Variants in SPATA16 observed in about 807,000 individuals in gnomAD.
SPATA16 encodes the protein spermatogenesis-associated protein 16.
A neutral mutation model predicts 63.3 loss-of-function variants in SPATA16; 36 were observed. The observed-to-expected ratio is 0.57, with a 90% confidence interval of 0.44 to 0.75. The LOEUF is 0.75. Ranked by LOEUF, SPATA16 falls within the 30% of genes least tolerant of loss-of-function variation. The pLI is 0.00. For synonymous variants in SPATA16, 203 were observed against 216.7 expected (o/e 0.94, Z 0.56); for missense variants, 646 against 679.3 (o/e 0.95, Z 0.54).
At chr3:172,980,440 A>G (rs1205004526) in intron 4 of SPATA16, among the ~76,000 whole-genome samples, 1 of 152,208 alleles carries the variant, frequency 6.6e-6, no homozygotes, top group East Asian at 1.9e-4. Context: ...GATTCTGTTC[A>G]TCTTATTTTC....
intron 2 of SPATA16, among the ~76,000 whole-genome samples, chr3:173,053,170 A>G (rs1239841436): frequency 6.6e-6 from 1 of 152,196 alleles, no homozygotes; most frequent in Admixed American, 6.5e-5. Flanking sequence ...AGCCTGGCCA[A>G]CATGGCGAAA....
At chr3:172,900,733 C>T (rs544139972) in intron 10 of SPATA16, among the ~76,000 whole-genome samples, 115 of 152,102 alleles carry the variant, frequency 7.6e-4, no homozygotes, top group Non-Finnish European at 1.4e-3. Flanking sequence ...ATCCGCCTCC[C>T]GGATTCAAGT....
At chr3:173,084,373 T>C (rs1398503818) in intron 2 of SPATA16, among the ~76,000 whole-genome samples, 1 of 152,204 alleles carries the variant, frequency 6.6e-6, no homozygotes, top group East Asian at 1.9e-4. Context: ...TTGTTTGTTT[T>C]TTTCTTGTAA....
intron 1 of SPATA16, among the ~76,000 whole-genome samples, chr3:173,118,285 T>A (rs1737960873): frequency 6.6e-6 from 1 of 152,154 alleles, no homozygotes; most frequent in Admixed American, 6.5e-5. Flanking sequence ...ATCTCAAGTT[T>A]AAAAAGCTCA....
chr3:173,107,862 T>C (rs767507049), intron 2 of SPATA16, among the ~76,000 whole-genome samples: 42 of 152,170 alleles, frequency 2.8e-4, no homozygotes, highest in Non-Finnish European at 5.1e-4. Flanking sequence ...GTGGAAGAAA[T>C]GTTTTGCAAC....
At chr3:173,120,012 G>A (rs568166035) in intron 1 of SPATA16, among the ~76,000 whole-genome samples, 13 of 152,016 alleles carry the variant, frequency 8.6e-5, no homozygotes, top group African/African-American at 2.2e-4. Context: ...ACTTGAACCC[G>A]GGAGGCAGAG....
chr3:172,936,438 TC>T (rs1732995325), intron 6 of SPATA16, among the ~76,000 whole-genome samples: 1 of 152,238 alleles, frequency 6.6e-6, no homozygotes, highest in Admixed American at 6.5e-5. Flanking sequence ...GTACCCTCCC[TC>T]TTCTGTCATG....
intron 4 of SPATA16, among the ~76,000 whole-genome samples, chr3:173,010,598 G>A (rs1577130565): frequency 1.3e-5 from 2 of 152,144 alleles, no homozygotes; most frequent in East Asian, 3.9e-4. Context: ...GTACTTTCGT[G>A]CCTCTAGCTT....
At chr3:173,052,488 C>G (rs1647368286) in intron 2 of SPATA16, among the ~76,000 whole-genome samples, 1 of 152,176 alleles carries the variant, frequency 6.6e-6, no homozygotes, top group African/African-American at 2.4e-5. Context: ...ACTTTACTGA[C>G]TATATCGAAG....
At chr3:173,010,468 G>T (rs971725081) in intron 4 of SPATA16, among the ~76,000 whole-genome samples, 7 of 151,062 alleles carry the variant, frequency 4.6e-5, no homozygotes, top group Non-Finnish European at 8.9e-5. Flanking sequence ...GTGTGTGTGT[G>T]TGTTTGTTTT....
intron 6 of SPATA16, among the ~76,000 whole-genome samples, chr3:172,935,217 C>T (rs146104589): frequency 6.6e-6 from 1 of 152,186 alleles, no homozygotes; most frequent in East Asian, 1.9e-4. Flanking sequence ...ATAGTCCTAC[C>T]TACTTAGAAG....
At chr3:172,895,382 G>C (rs78056592) in intron 10 of SPATA16, among the ~76,000 whole-genome samples, 14,772 of 152,114 alleles carry the variant, frequency 0.097, 810 homozygotes, top group African/African-American at 0.14. Flanking sequence ...GTCACCCAAG[G>C]CGGAGTGCAG....
At chr3:173,076,498 T>TA (rs1360919436) in intron 2 of SPATA16, among the ~76,000 whole-genome samples, 10 of 152,170 alleles carry the variant, frequency 6.6e-5, no homozygotes, top group Admixed American at 5.2e-4. Flanking sequence ...AGACTTTTTT[T>TA]AAAAAACATC....
chr3:173,040,631 G>T (rs138415598), intron 3 of SPATA16, among the ~76,000 whole-genome samples: 94 of 152,262 alleles, frequency 6.2e-4, no homozygotes, highest in African/African-American at 2.1e-3. Context: ...TGCAAGAGAA[G>T]TCCTCCAGAT....
chr3:172,974,785 C>A (rs1481491937), intron 5 of SPATA16, among the ~76,000 whole-genome samples: 1 of 152,026 alleles, frequency 6.6e-6, no homozygotes, highest in South Asian at 2.1e-4. Context: ...TAAGAATAAA[C>A]CTTCTCAAAC....
At chr3:173,000,163 C>T (rs145495472) in intron 4 of SPATA16, among the ~76,000 whole-genome samples, 6 of 152,310 alleles carry the variant, frequency 3.9e-5, no homozygotes, top group Non-Finnish European at 8.8e-5. Context: ...AAGTTCATTT[C>T]TGTTTTGCCC....
At position 172,992,416 on chromosome 3, in the gene SPATA16, AGAG is replaced by A. The variant is rs565137295; in HGVS notation, c.849-15367_849-15365del. ...GAAGAAAGAAACCATACCAGTTCAC[AGAG>A]GAGTAGACAGTGCAACAAGAGCTTC... On this transcript the variant is annotated intron_variant, in intron 4 of 10. Coordinates refer to ENST00000351008, the MANE Select transcript of SPATA16 (RefSeq NM_031955.6). Among the ~76,000 whole-genome samples, 15 of 152,194 alleles carry A rather than the reference AGAG, an allele frequency of 9.9e-5. No individual in the cohort carries two copies. In the South Asian group the frequency reaches 1.9e-3, roughly 19 times the overall value.
intron 2 of SPATA16, among the ~76,000 whole-genome samples, chr3:173,080,961 G>C (rs368203585): frequency 5.3e-5 from 8 of 152,174 alleles, no homozygotes; most frequent in African/African-American, 1.7e-4. Context: ...GTGAGAAGCA[G>C]CAGCATCCCA....
intron 1 of SPATA16, among the ~76,000 whole-genome samples, chr3:173,130,358 CAAAAAAAAAAAAA>C (rs1202660573): frequency 5.0e-5 from 2 of 39,892 alleles, no homozygotes; most frequent in African/African-American, 1.4e-4. Context: ...GACTTCGTCT[CAAAAAAAAAAAAA>C]AAAAAAAAAA....
Sources: allele counts gnomAD v4.1 joint callset (sites outside exome capture counted in the v4.1 genomes callset), GRCh38; gene constraint gnomAD v4.1.1; transcripts MANE v1.5; gene names NCBI Gene and HGNC (gene_info 2026-07-23, HGNC 2026-07-21).